The following PHACTR1 variants were observed in gnomAD, a reference collection of about 807,000 sequenced individuals.
PHACTR1 encodes phosphatase and actin regulator 1, also known as RPEL repeat containing 1.
A neutral mutation model predicts 69.2 loss-of-function variants in PHACTR1; 16 were observed. The observed-to-expected ratio is 0.23, with a 90% CI of 0.16 to 0.35. The LOEUF (loss-of-function observed/expected upper bound fraction) is 0.35. Ranked by LOEUF, PHACTR1 falls within the 10% of genes least tolerant of loss-of-function variation. PHACTR1 has a pLI of 1.00. For missense variants in PHACTR1, 510 were observed against 734.7 expected (o/e 0.69, Z 3.54); for synonymous variants, 312 against 284.5 (o/e 1.10, Z -0.97).
chr6:13,272,343 A>G (rs550853359), intron 10 of PHACTR1: 2 of 155,538 alleles, frequency 1.3e-5, no homozygotes, highest in Non-Finnish European at 1.4e-5. Context: ...CTCCGAAATA[A>G]GAGGAGCAGG....
chr6:13,180,266 A>C (rs958523919), intron 6 of PHACTR1, among the ~76,000 whole-genome samples: 2 of 152,192 alleles, frequency 1.3e-5, no homozygotes, highest in African/African-American at 2.4e-5. Flanking sequence ...TTTCAAAGGA[A>C]ATGTGTATTT....
At chr6:12,818,861 T>C (rs1488967269) in intron 4 of PHACTR1, among the ~76,000 whole-genome samples, 1 of 152,212 alleles carries the variant, frequency 6.6e-6, no homozygotes, top group African/African-American at 2.4e-5. Flanking sequence ...GCTTCCTTTT[T>C]ACTGTTTGGA....
At chr6:13,138,297 T>G (rs1451435022) in intron 5 of PHACTR1, among the ~76,000 whole-genome samples, 1 of 152,200 alleles carries the variant, frequency 6.6e-6, no homozygotes, top group Non-Finnish European at 1.5e-5. Flanking sequence ...TGGAAAGACG[T>G]TCCTGGGTTG....
At chr6:13,186,299 T>C (rs561150641) in intron 7 of PHACTR1, among the ~76,000 whole-genome samples, 24 of 152,358 alleles carry the variant, frequency 1.6e-4, no homozygotes, top group Non-Finnish European at 2.6e-4. Context: ...ACGTATTGTT[T>C]TGTCACCTGC....
At chr6:13,041,381 G>C (rs77748901) in intron 4 of PHACTR1, among the ~76,000 whole-genome samples, 157 of 55,250 alleles carry the variant, frequency 2.8e-3, no homozygotes, top group Middle Eastern at 0.028. Context: ...CACACACACA[G>C]AAGAGAAGAA....
At chr6:12,954,449 G>A (rs756340282) in intron 4 of PHACTR1, among the ~76,000 whole-genome samples, 6 of 151,900 alleles carry the variant, frequency 3.9e-5, no homozygotes, top group South Asian at 2.1e-4. Flanking sequence ...AGGGGTGCTC[G>A]TGATAGTTTG....
intron 4 of PHACTR1, among the ~76,000 whole-genome samples, chr6:13,020,692 G>A (rs1199186699): frequency 6.6e-6 from 1 of 152,200 alleles, no homozygotes; most frequent in Admixed American, 6.5e-5. Flanking sequence ...TCCAGCGAGG[G>A]TCTGTCCTAT....
intron 9 of PHACTR1, 100 bp downstream of exon 9, chr6:13,228,163 C>A (rs1770129501): frequency 7.0e-7 from 1 of 1,434,272 alleles, no homozygotes; most frequent in Non-Finnish European, 9.3e-7. Context: ...GGTTCTAATC[C>A]CTGCTCTGGT....
At chr6:12,799,947 T>C (rs868184022) in intron 4 of PHACTR1, among the ~76,000 whole-genome samples, 1 of 152,312 alleles carries the variant, frequency 6.6e-6, no homozygotes, top group African/African-American at 2.4e-5. Flanking sequence ...TTACAAAAAG[T>C]TTTGACAGAC....
chr6:13,026,421 A>G (rs755350306), intron 4 of PHACTR1, among the ~76,000 whole-genome samples: 45 of 152,084 alleles, frequency 3.0e-4, no homozygotes, highest in Non-Finnish European at 4.9e-4. Context: ...CTTCTTGCAA[A>G]CGGGGCCCAG....
intron 4 of PHACTR1, among the ~76,000 whole-genome samples, chr6:12,900,691 C>G (rs1274020098): frequency 6.6e-6 from 1 of 152,158 alleles, no homozygotes; most frequent in Middle Eastern, 3.2e-3. Flanking sequence ...CAGTGAGACC[C>G]TGTCTCAAAA....
intron 4 of PHACTR1, among the ~76,000 whole-genome samples, chr6:12,780,702 A>G (rs1156663636): frequency 6.6e-6 from 1 of 152,222 alleles, no homozygotes. Flanking sequence ...ATTTGAGGGC[A>G]TGCATTCAAG....
chr6:13,143,317 T>C (rs1007675041), intron 5 of PHACTR1, among the ~76,000 whole-genome samples: 2 of 152,236 alleles, frequency 1.3e-5, no homozygotes, highest in African/African-American at 4.8e-5. Context: ...GGATAAATGC[T>C]TGAGGTGATA....
At chr6:13,217,205 G>T (rs1435520381) in intron 8 of PHACTR1, among the ~76,000 whole-genome samples, 1 of 152,188 alleles carries the variant, frequency 6.6e-6, no homozygotes, top group African/African-American at 2.4e-5. Context: ...TGTCCAGGAA[G>T]CACACTGCAC....
At chr6:12,730,984 T>G (rs1250929372) in intron 3 of PHACTR1, among the ~76,000 whole-genome samples, 1 of 144,392 alleles carries the variant, frequency 6.9e-6, no homozygotes, top group East Asian at 2.0e-4. Flanking sequence ...GAATATTACC[T>G]TTTTTATTTA....
At chr6:13,053,996 A>C (rs1401602622) in intron 5 of PHACTR1, among the ~76,000 whole-genome samples, 1 of 152,220 alleles carries the variant, frequency 6.6e-6, no homozygotes, top group Non-Finnish European at 1.5e-5. Context: ...GAAAACAAAG[A>C]ATACAAATGA....
intron 3 of PHACTR1, among the ~76,000 whole-genome samples, chr6:12,729,032 G>A (rs187449758): frequency 6.6e-5 from 10 of 152,242 alleles, no homozygotes; most frequent in African/African-American, 1.4e-4. Flanking sequence ...GAATGTATCC[G>A]TTCTTATGTT....
chr6:13,151,265 G>A (rs964719317), intron 5 of PHACTR1, among the ~76,000 whole-genome samples: 1 of 152,176 alleles, frequency 6.6e-6, no homozygotes, highest in Non-Finnish European at 1.5e-5. Context: ...GATTGTCCTG[G>A]AGAGAAATCT....
intron 4 of PHACTR1, among the ~76,000 whole-genome samples, chr6:12,841,374 A>G (rs919970038): frequency 1.3e-5 from 2 of 151,774 alleles, no homozygotes; most frequent in Non-Finnish European, 2.9e-5. Flanking sequence ...CACTAGGATG[A>G]TTTGAGAGGC....
Sources: allele counts gnomAD v4.1 joint callset (sites outside exome capture counted in the v4.1 genomes callset), GRCh38; gene constraint gnomAD v4.1.1; transcripts MANE v1.5; gene names NCBI Gene and HGNC (gene_info 2026-07-23, HGNC 2026-07-21).